ZSCAN5A: variants seen among roughly 807,000 people sequenced by gnomAD.
ZSCAN5A encodes zinc finger and SCAN domain-containing protein 5A.
In ZSCAN5A, 12 loss-of-function variants were observed where a neutral mutation model predicts 23.7. The ratio of observed to expected loss-of-function variants is 0.51; its 90% CI spans 0.32 to 0.82. The LOEUF is 0.82. Among genes scored for constraint, ZSCAN5A ranks in the 40% least tolerant of loss-of-function variants. The probability of loss-of-function intolerance (pLI) is 0.03; values close to 1 mark genes in which losing one functional copy is unlikely to be tolerated. For missense variants in ZSCAN5A, 597 were observed against 617.9 expected (o/e 0.97, Z 0.36); for synonymous variants, 257 against 239.9 (o/e 1.07, Z -0.66).
At chr19:56,365,703 AATG>A (rs1318586782) in intron 1 of ZSCAN5A, 4 of 152,222 alleles carry the variant, frequency 2.6e-5, no homozygotes, top group African/African-American at 7.2e-5. Context: ...AGACACAGAG[AATG>A]ATAACTTACC....
At chr19:56,254,096 T>C (rs1457103070) in intron 2 of ZSCAN5A, among the ~76,000 whole-genome samples, 1 of 151,916 alleles carries the variant, frequency 6.6e-6, no homozygotes, top group African/African-American at 2.4e-5. Context: ...CCTCTTCTGT[T>C]AGTGTGAGGC....
intron 2 of ZSCAN5A, chr19:56,295,683 C>G (rs1600216676): frequency 6.6e-6 from 1 of 152,402 alleles, no homozygotes; most frequent in African/African-American, 2.4e-5. Flanking sequence ...TGCTGCGGTG[C>G]AAATCCTGCA....
At position 56,313,074 on chromosome 19, in the gene ZSCAN5A, C is replaced by T. The variant is rs185385841; in HGVS notation, c.-128+209G>A. Among the ~76,000 whole-genome samples, 32 of 152,300 alleles carry T rather than the reference C, an allele frequency of 2.1e-4. No homozygotes were observed. In the East Asian group the frequency reaches 6.2e-3, roughly 29 times the overall value. On this transcript the variant is annotated intron_variant, in intron 2 of 5. Coordinates refer to ENST00000683990, the MANE Select transcript of ZSCAN5A (RefSeq NM_001322064.3). ...ATATGGCTGTGTTTGCATAACAGCT[C>T]ATAGGAAGCTCTTGTCTTTTCTTAC... is the stretch of plus-strand genomic sequence containing the variant.
At chr19:56,334,019 A>G (rs557245689) in intron 2 of ZSCAN5A, among the ~76,000 whole-genome samples, 2 of 152,324 alleles carry the variant, frequency 1.3e-5, no homozygotes, top group Non-Finnish European at 2.9e-5. Context: ...TTCAGCAATG[A>G]TCCCTAACCA....
intron 2 of ZSCAN5A, among the ~76,000 whole-genome samples, chr19:56,324,331 A>G (rs1271906484): frequency 6.6e-6 from 1 of 152,204 alleles, no homozygotes; most frequent in Non-Finnish European, 1.5e-5. Flanking sequence ...ATAATATTCC[A>G]TTGTGTATAT....
rs1381757435 is a variant in ZSCAN5A at position 56,223,572 on chromosome 19, C to T, written c.588+59G>A. On this transcript the variant is annotated intron_variant, in intron 4 of 5. Transcript: ENST00000683990. ...TCTCTCAATCAGTCCAGCGGCCACA[C>T]GATTTCCTCCTGTTCCTTCTCCCAC... 9 of 1,574,466 alleles carry T rather than the reference C, an allele frequency of 5.7e-6. No individual in the cohort carries two copies. In the East Asian group the frequency reaches 6.7e-5, roughly 12 times the overall value.
At chr19:56,281,305 A>T (rs1209530711) in intron 2 of ZSCAN5A, among the ~76,000 whole-genome samples, 1 of 152,178 alleles carries the variant, frequency 6.6e-6, no homozygotes, top group African/African-American at 2.4e-5. Context: ...ATCTAAGTGG[A>T]TAAGTGTAAC....
chr19:56,249,522 T>C (rs528860026), intron 2 of ZSCAN5A, among the ~76,000 whole-genome samples: 1 of 152,344 alleles, frequency 6.6e-6, no homozygotes, highest in African/African-American at 2.4e-5. Flanking sequence ...TCTGCCTGGC[T>C]CAGCCTCCCA....
rs755747347 is a variant in ZSCAN5A at position 56,223,652 on chromosome 19, G to A, written c.567C>T (p.Val189=). 3.1e-6 allele frequency: 5 copies of A among 1,613,306 alleles called. No individual in the cohort carries two copies. Among genetic ancestry groups the A allele is most frequent in the Middle Eastern group, 3.3e-4 (2 of 6,080 alleles). The change falls in exon 4 of 6, where the codon GTC becomes GTT. Residue 189 remains valine (V), a synonymous_variant. Transcript: ENST00000683990. The part of the protein sequence containing the change: ...AHRELQILPR[V]PALSRRQGED... ...TCACCTGCCTCCTGGACAATGCAGGGACCCTGGGCAGGATCTGCAGCTCTC... is the reference window on the plus strand; with the variant it reads ...TCACCTGCCTCCTGGACAATGCAGGAACCCTGGGCAGGATCTGCAGCTCTC...
chr19:56,237,377 A>G (rs765581342), intron 2 of ZSCAN5A, among the ~76,000 whole-genome samples: 1 of 152,132 alleles, frequency 6.6e-6, no homozygotes, highest in Non-Finnish European at 1.5e-5. Context: ...TCAGTATTCA[A>G]TAAACTACAG....
chr19:56,326,902 A>C (rs975212718), intron 2 of ZSCAN5A, among the ~76,000 whole-genome samples: 1 of 151,822 alleles, frequency 6.6e-6, no homozygotes, highest in African/African-American at 2.4e-5. Context: ...GCTGAAAGAC[A>C]CTCCTTACAC....
At chr19:56,313,408 C>T (rs755055271) in intron 1 of ZSCAN5A, 24 bp from the exon 2 acceptor site, 1 of 188,504 alleles carries the variant, frequency 5.3e-6, no homozygotes, top group South Asian at 6.1e-5. Context: ...CATCAGATCT[C>T]GTGAGACTTA....
chr19:56,341,210 G>GA (rs2041589685), intron 2 of ZSCAN5A: 1 of 152,050 alleles, frequency 6.6e-6, no homozygotes. Context: ...AAAGATTAGA[G>GA]AAAAAAGAAT....
Position 56,264,815 on chromosome 19 carries a change from C to G in ZSCAN5A, c.-127-39642G>C, listed in dbSNP as rs560820906. On this transcript the variant is annotated intron_variant, in intron 2 of 5. Transcript: ENST00000683990. ...ACTCTTGATCTAGGTCACACTAAAG[C>G]TTTTAGTCATAAATGCTATCCTAGG... 2.0e-5 allele frequency among the ~76,000 whole-genome samples: 3 copies of G among 152,212 alleles called. No individual in the cohort carries two copies. In the South Asian group the frequency reaches 6.2e-4, roughly 32 times the overall value.
intron 2 of ZSCAN5A, among the ~76,000 whole-genome samples, chr19:56,326,699 G>T (rs7246793): frequency 0.19 from 28,656 of 151,840 alleles, 3,590 homozygotes; most frequent in African/African-American, 0.35. Flanking sequence ...GTAAATGTGC[G>T]GCATCTCTCC....
Position 56,304,675 on chromosome 19 carries a change from G to C in ZSCAN5A, c.-128+8608C>G, listed in dbSNP as rs896156573. On this transcript the variant is annotated intron_variant, in intron 2 of 5. Coordinates refer to ENST00000683990, the MANE Select transcript of ZSCAN5A (RefSeq NM_001322064.3). Reference sequence around the variant, plus strand: ...GTTACAACCAGAGGGAAAGAGCAGAGGGGGAGGACGGGAAAGAAGCGAGAG... The same window carrying C: ...GTTACAACCAGAGGGAAAGAGCAGACGGGGAGGACGGGAAAGAAGCGAGAG... 4.5e-5 allele frequency: 21 copies of C among 464,060 alleles called. No individual in the cohort carries two copies. In the Admixed American group the frequency reaches 5.8e-4, roughly 13 times the overall value. The allele number at this position is 464,060 out of a possible 1,614,324, so 28.7% of individuals were successfully genotyped here. A position where few individuals can be genotyped will look rare whatever the true frequency, so the allele number is the denominator to read the frequency against.
chr19:56,367,773 C>T (rs913002747), intron 1 of ZSCAN5A: 4 of 152,246 alleles, frequency 2.6e-5, no homozygotes, highest in African/African-American at 7.2e-5. Context: ...CACTCTACAG[C>T]TCAAGTGTCA....
chr19:56,259,148 G>A (rs2036940057), intron 2 of ZSCAN5A, among the ~76,000 whole-genome samples: 1 of 152,114 alleles, frequency 6.6e-6, no homozygotes, highest in South Asian at 2.1e-4. Context: ...TTGGGGTGAT[G>A]TGTTATACAG....
chr19:56,342,994 C>T, intron 2 of ZSCAN5A: 1 of 847,216 alleles, frequency 1.2e-6, no homozygotes, highest in Non-Finnish European at 2.1e-6. Context: ...CTCCAATCGT[C>T]TTTTCAGAAG....
Sources: gnomAD v4.1 joint callset for allele counts (sites outside exome capture counted in the v4.1 genomes callset) on GRCh38, gnomAD v4.1.1 for gene constraint, MANE v1.5 for transcripts, NCBI Gene and HGNC (gene_info 2026-07-23, HGNC 2026-07-21) for gene names.